PGP: variants seen among roughly 807,000 people sequenced by gnomAD.
PGP encodes the protein aspartate-based ubiquitous Mg(2+)-dependent phosphatase.
PGP carries 9 observed loss-of-function variants against 19.3 expected under a neutral mutation model. That is an observed-to-expected ratio of 0.47 (90% CI 0.28 to 0.81). The LOEUF (loss-of-function observed/expected upper bound fraction) is 0.81. Among genes scored for constraint, PGP ranks in the 40% least tolerant of loss-of-function variants. The pLI, the probability that PGP is intolerant of heterozygous loss-of-function variation, is 0.11. For synonymous variants in PGP, 308 were observed against 226.8 expected (o/e 1.36, Z -3.22); for missense variants, 403 against 479.9 (o/e 0.84, Z 1.50).
rs142776533 is a variant in PGP, at chr16:2,212,260, T to C, written c.*1468A>G. ...TCTGCAGCACCCTCTGAACCCGATA[T>C]CCCAGGCCTGGGAGGTGCTGAAGGC... On this transcript the variant is annotated 3_prime_UTR_variant, in exon 2 of 2. Transcript: ENST00000333503. 247 of 985,864 alleles carry C rather than the reference T, an allele frequency of 2.5e-4. 1 individual carries two copies. In the African/African-American group the frequency reaches 4.0e-3, roughly 16 times the overall value. 61.1% of individuals were successfully genotyped at this position (985,864 alleles called of 1,614,324 possible).
rs563294716 is a variant in PGP, at chr16:2,212,811, G to C, written c.*917C>G. 1.0e-6 allele frequency: 1 copy of C among 985,526 alleles called. No individual in the cohort carries two copies. Among genetic ancestry groups the C allele is most frequent in the East Asian group, 1.1e-4 (1 of 8,820 alleles). The allele number at this position is 985,526 out of a possible 1,614,324, so 61.0% of individuals were successfully genotyped here. On this transcript the variant is annotated 3_prime_UTR_variant, in exon 2 of 2. Transcript: ENST00000333503. ...AACACATGCTTCAGCCGCGCTGCCG[G>C]CTGCAGGGCACAGAGGCTCCTTCAG... is the stretch of plus-strand genomic sequence containing the variant.
In PGP at chr16:2,212,528, A is replaced by G; in HGVS notation, c.*1200T>C. The G allele has an allele frequency of 1.0e-6, 1 of 985,554 alleles. No homozygotes were observed. The highest frequency in any genetic ancestry group is 1.2e-6 in the Non-Finnish European group (1 of 829,978). The allele number at this position is 985,554 out of a possible 1,614,324, so 61.1% of individuals were successfully genotyped here. On this transcript the variant is annotated 3_prime_UTR_variant, in exon 2 of 2. Transcript: ENST00000333503. Reference sequence around the variant, plus strand: ...CCTTGGCGAGCTGGTGGCCCTGCCAAGTCCTGCTGGCCACTGAAGAGGGAA... The same window carrying G: ...CCTTGGCGAGCTGGTGGCCCTGCCAGGTCCTGCTGGCCACTGAAGAGGGAA...
At position 2,213,633 on chromosome 16, in the gene PGP, C is replaced by T; in HGVS notation, c.*95G>A. ...ACTCCAATTACACTCTTTGAAGCCA[C>T]TTAGCCGAGCAGATGCTTAAGCCCC... On this transcript the variant is annotated 3_prime_UTR_variant, in exon 2 of 2. Coordinates refer to ENST00000333503, the MANE Select transcript of PGP (RefSeq NM_001042371.3). The T allele has an allele frequency of 1.6e-6, 2 of 1,241,814 alleles. No homozygotes were observed. Among genetic ancestry groups the T allele is most frequent in the Non-Finnish European group, 2.2e-6 (2 of 917,336 alleles). 76.9% of individuals were successfully genotyped at this position (1,241,814 alleles called of 1,614,324 possible).
rs2093377918 is a variant in PGP at position 2,212,464 on chromosome 16, C to T, written c.*1264G>A. On this transcript the variant is annotated 3_prime_UTR_variant, in exon 2 of 2. Coordinates refer to ENST00000333503, the MANE Select transcript of PGP (RefSeq NM_001042371.3). ...TCAGGCCTGTGAAAGGTCAGCAGAG[C>T]CAAGGAGCAGGCAGGAGAGGCTGGA... 2.0e-5 allele frequency: 20 copies of T among 985,668 alleles called. No individual in the cohort carries two copies. The highest frequency in any genetic ancestry group is 2.4e-5 in the Non-Finnish European group (20 of 830,020). The allele number at this position is 985,668 out of a possible 1,614,324, so 61.1% of individuals were successfully genotyped here. A position where few individuals can be genotyped will look rare whatever the true frequency, so the allele number is the denominator to read the frequency against.
Position 2,212,199 on chromosome 16 carries a change from T to C in PGP, c.*1529A>G, listed in dbSNP as rs2141403293. 1 of 985,754 alleles carries C rather than the reference T, an allele frequency of 1.0e-6. No homozygotes were observed. Among genetic ancestry groups the C allele is most frequent in the Non-Finnish European group, 1.2e-6 (1 of 829,988 alleles). 61.1% of individuals were successfully genotyped at this position (985,754 alleles called of 1,614,324 possible). The stretch of plus-strand genomic sequence containing the variant: ...CAACTTAGCCAAGCCAGCGTCAGTG[T>C]CACCAGCCTCATGGGTGGAGCCACC... On this transcript the variant is annotated 3_prime_UTR_variant, in exon 2 of 2. Coordinates refer to ENST00000333503, the MANE Select transcript of PGP (RefSeq NM_001042371.3).
At position 2,212,278 on chromosome 16, in the gene PGP, C is replaced by G; in HGVS notation, c.*1450G>C. 1 of 985,926 alleles carries G rather than the reference C, an allele frequency of 1.0e-6. No individual in the cohort carries two copies. The highest frequency in any genetic ancestry group is 1.2e-6 in the Non-Finnish European group (1 of 830,028). 61.1% of individuals were successfully genotyped at this position (985,926 alleles called of 1,614,324 possible). A position where few individuals can be genotyped will look rare whatever the true frequency, so the allele number is the denominator to read the frequency against. ...CCCGATATCCCAGGCCTGGGAGGTG[C>G]TGAAGGCTCAGGACGCCTCTTATTG... On this transcript the variant is annotated 3_prime_UTR_variant, in exon 2 of 2. Coordinates refer to ENST00000333503, the MANE Select transcript of PGP (RefSeq NM_001042371.3).
At position 2,213,794 on chromosome 16, in the gene PGP, C is replaced by G; in HGVS notation, c.900G>C (p.Lys300Asn). ...CATAGAAGTCAGGGACCATTTTCTT[C>G]TTAGACACGCAGTCACTTTCCTGAT... is the stretch of plus-strand genomic sequence containing the variant. ...KNNQESDCVS[K>N]KKMVPDFYVD... is the part of the protein sequence containing the mutation. Residue 300 changes from lysine (K) to asparagine (N), a missense_variant, in exon 2 of 2, where the codon AAG (lysine) becomes AAC (asparagine). By Grantham distance (94) the Lys-to-Asn change is moderately conservative. Transcript: ENST00000333503. 6.3e-7 allele frequency: 1 copy of G among 1,599,694 alleles called. No individual in the cohort carries two copies. Among genetic ancestry groups the G allele is most frequent in the South Asian group, 1.1e-5 (1 of 90,288 alleles).
In PGP at chr16:2,214,717, C is replaced by G; in HGVS notation, c.61G>C (p.Ala21Pro). The change falls in exon 1 of 2, where the codon GCA (alanine) becomes CCA (proline). Residue 21 changes from alanine to proline, a missense_variant. By Grantham distance (27) the Ala-to-Pro change is conservative (BLOSUM62 -1). Transcript: ENST00000333503. The surrounding 1 kb of genome is among the most constrained non-coding windows in gnomAD (Gnocchi z 7.1). ...ARCVRLSAER[A>P]QALLADVDTL... ...TCCACGTCGGCCAGCAGCGCCTGTGCCCGCTCGGCGCTCAGCCGCACGCAG... is the reference window on the plus strand; with the variant it reads ...TCCACGTCGGCCAGCAGCGCCTGTGGCCGCTCGGCGCTCAGCCGCACGCAG... The G allele has an allele frequency of 7.4e-7, 1 of 1,359,740 alleles. No individual in the cohort carries two copies. Among genetic ancestry groups the G allele is most frequent in the Non-Finnish European group, 9.5e-7 (1 of 1,053,540 alleles). 84.2% of individuals were successfully genotyped at this position (1,359,740 alleles called of 1,614,324 possible). A position where few individuals can be genotyped will look rare whatever the true frequency, so the allele number is the denominator to read the frequency against.
In PGP at chr16:2,214,555, C is replaced by CG; in HGVS notation, c.222dup (p.Ala75ArgfsTer99). ...CGCCGCAGCTTCTCGGCGTAGGCAG[C>CG]GCGGGTCTTGCTGCTGTTGTTGGTG... is the stretch of plus-strand genomic sequence containing the variant. On this transcript the variant is annotated frameshift_variant, in exon 1 of 2. Transcript: ENST00000333503. LOFTEE classifies it high-confidence loss of function. The surrounding 1 kb of genome is among the most constrained non-coding windows in gnomAD (Gnocchi z 7.1). 1 of 1,463,530 alleles carries CG rather than the reference C, an allele frequency of 6.8e-7. No homozygotes were observed. Among genetic ancestry groups the CG allele is most frequent in the Non-Finnish European group, 9.0e-7 (1 of 1,110,814 alleles). 90.7% of individuals were successfully genotyped at this position (1,463,530 alleles called of 1,614,324 possible).
Position 2,214,613 on chromosome 16 carries a change from C to T in PGP, c.165G>A (p.Ala55=), listed in dbSNP as rs1373796147. 2.7e-6 allele frequency: 4 copies of T among 1,457,628 alleles called. No individual in the cohort carries two copies. Among genetic ancestry groups the T allele is most frequent in the Non-Finnish European group, 3.6e-6 (4 of 1,108,506 alleles). The allele number at this position is 1,457,628 out of a possible 1,614,324, so 90.3% of individuals were successfully genotyped here. A position where few individuals can be genotyped will look rare whatever the true frequency, so the allele number is the denominator to read the frequency against. ...AVPGAPEALR[A]LRARGKRLGF... ...CCAGGCGCTTGCCGCGGGCTCGCAGCGCCCGCAGGGCCTCGGGCGCGCCAG... is the reference window on the plus strand; with the variant it reads ...CCAGGCGCTTGCCGCGGGCTCGCAGTGCCCGCAGGGCCTCGGGCGCGCCAG... Residue 55 remains alanine (A), a synonymous_variant, in exon 1 of 2, where the codon GCG becomes GCA. Transcript: ENST00000333503. This position sits in a 1 kb window ranked among gnomAD's most constrained non-coding sequence, Gnocchi z 7.1.
chr16:2,213,526 G>C lies in PGP; in HGVS notation c.*202C>G, dbSNP rs1596739260. The stretch of plus-strand genomic sequence containing the variant: ...CACAACGCCTTCCAAGCCTAAAAGT[G>C]CATCTTCGATTACAAGCATCTGTAA... On this transcript the variant is annotated 3_prime_UTR_variant, in exon 2 of 2. Coordinates refer to ENST00000333503, the MANE Select transcript of PGP (RefSeq NM_001042371.3). The C allele has an allele frequency of 1.5e-6, 1 of 676,162 alleles. No homozygotes were observed. Among genetic ancestry groups the C allele is most frequent in the South Asian group, 2.9e-5 (1 of 33,916 alleles). 41.9% of individuals were successfully genotyped at this position (676,162 alleles called of 1,614,324 possible).
rs1315503947 is a variant in PGP at position 2,212,786 on chromosome 16, AAC to A, written c.*940_*941del. 2.0e-6 allele frequency: 2 copies of A among 985,356 alleles called. No individual in the cohort carries two copies. The highest frequency in any genetic ancestry group is 3.5e-5 in the African/African-American group (2 of 57,250). The allele number at this position is 985,356 out of a possible 1,614,324, so 61.0% of individuals were successfully genotyped here. A position where few individuals can be genotyped will look rare whatever the true frequency, so the allele number is the denominator to read the frequency against. Reference sequence around the variant, plus strand: ...CCTGGATGACAGGCATTCCTTGGCCAACACATGCTTCAGCCGCGCTGCCGGCT... The same window carrying A: ...CCTGGATGACAGGCATTCCTTGGCCAACATGCTTCAGCCGCGCTGCCGGCT... On this transcript the variant is annotated 3_prime_UTR_variant, in exon 2 of 2. Coordinates refer to ENST00000333503, the MANE Select transcript of PGP (RefSeq NM_001042371.3).
chr16:2,213,113 G>T lies in PGP; in HGVS notation c.*615C>A. 1 of 985,558 alleles carries T rather than the reference G, an allele frequency of 1.0e-6. No individual in the cohort carries two copies. Among genetic ancestry groups the T allele is most frequent in the Non-Finnish European group, 1.2e-6 (1 of 829,964 alleles). The allele number at this position is 985,558 out of a possible 1,614,324, so 61.1% of individuals were successfully genotyped here. A position where few individuals can be genotyped will look rare whatever the true frequency, so the allele number is the denominator to read the frequency against. ...GTATCTGAAACGGAACAGACACTCA[G>T]TTGTGACATCAGAGTGGTTTTCAAG... On this transcript the variant is annotated 3_prime_UTR_variant, in exon 2 of 2. Coordinates refer to ENST00000333503, the MANE Select transcript of PGP (RefSeq NM_001042371.3).
In PGP at chr16:2,214,224, A is replaced by G; in HGVS notation, c.554T>C (p.Leu185Pro). 6.3e-7 allele frequency: 1 copy of G among 1,595,004 alleles called. No individual in the cohort carries two copies. Among genetic ancestry groups the G allele is most frequent in the Non-Finnish European group, 8.5e-7 (1 of 1,178,730 alleles). The change falls in exon 1 of 2, where the codon CTG becomes CCG. Residue 185 changes from leucine to proline, a missense_variant. Physicochemically the swap from Leu to Pro is moderately conservative, Grantham distance 98. Coordinates refer to ENST00000333503, the MANE Select transcript of PGP (RefSeq NM_001042371.3). The surrounding 1 kb of genome is among the most constrained non-coding windows in gnomAD (Gnocchi z 7.1). ...GCAGCCGGGCTGCTGCAGGTAGCGC[A>G]GGGCCTTGGTGAGCTTCATGTAGCT... The part of the protein sequence containing the change: ...HFSYMKLTKA[L>P]RYLQQPGCLL...
chr16:2,212,055 CAG>C lies in PGP; in HGVS notation c.*1671_*1672del, dbSNP rs1469115046. The C allele has an allele frequency of 1.0e-6, 1 of 985,384 alleles. No individual in the cohort carries two copies. Among genetic ancestry groups the C allele is most frequent in the East Asian group, 1.1e-4 (1 of 8,832 alleles). The allele number at this position is 985,384 out of a possible 1,614,324, so 61.0% of individuals were successfully genotyped here. On this transcript the variant is annotated 3_prime_UTR_variant, in exon 2 of 2. Coordinates refer to ENST00000333503, the MANE Select transcript of PGP (RefSeq NM_001042371.3). The stretch of plus-strand genomic sequence containing the variant: ...CACAGTGCTGCAGCCCCTCATGGGC[CAG>C]AGACAGGATGCACGGGGACTCCCAG...
Position 2,211,937 on chromosome 16 carries a change from G to A in PGP, c.*1791C>T, listed in dbSNP as rs112972541. The stretch of plus-strand genomic sequence containing the variant: ...CCATCTACTTTGAGTCCTCCCACCC[G>A]TGGTGAGACGGCATCACCCGGGCCA... On this transcript the variant is annotated 3_prime_UTR_variant, in exon 2 of 2. Coordinates refer to ENST00000333503, the MANE Select transcript of PGP (RefSeq NM_001042371.3). 7.7e-3 allele frequency: 7,549 copies of A among 985,520 alleles called. 215 individuals carry two copies. In the African/African-American group the frequency reaches 0.085, roughly 11 times the overall value. 61.0% of individuals were successfully genotyped at this position (985,520 alleles called of 1,614,324 possible).
In PGP at chr16:2,214,328, G is replaced by A; in HGVS notation, c.450C>T (p.Gly150=). ...CGTGCAGCCAGTCGCCGGGACCCTC[G>A]CCCTGCAGTGGCTCGGGCCCCACGC... ...SVGVGPEPLQ[G]EGPGDWLHAP... Residue 150 remains glycine, a synonymous_variant, in exon 1 of 2, where the codon GGC becomes GGT. Transcript: ENST00000333503. The surrounding 1 kb of genome is among the most constrained non-coding windows in gnomAD (Gnocchi z 7.1). 1 of 1,535,142 alleles carries A rather than the reference G, an allele frequency of 6.5e-7. No individual in the cohort carries two copies. Among genetic ancestry groups the A allele is most frequent in the Non-Finnish European group, 8.7e-7 (1 of 1,147,164 alleles).
Position 2,212,875 on chromosome 16 carries a change from C to G in PGP, c.*853G>C. ...ACGACACAGAGCACAGCTATTAATA[C>G]ACTTAAAATTCAAATCCATTGCCTG... On this transcript the variant is annotated 3_prime_UTR_variant, in exon 2 of 2. Coordinates refer to ENST00000333503, the MANE Select transcript of PGP (RefSeq NM_001042371.3). The G allele has an allele frequency of 1.0e-6, 1 of 985,454 alleles. No homozygotes were observed. Among genetic ancestry groups the G allele is most frequent in the Non-Finnish European group, 1.2e-6 (1 of 829,946 alleles). 61.0% of individuals were successfully genotyped at this position (985,454 alleles called of 1,614,324 possible).
In PGP at chr16:2,214,222, G is replaced by T; in HGVS notation, c.556C>A (p.Arg186Ser). The T allele has an allele frequency of 1.3e-6, 2 of 1,595,074 alleles. No individual in the cohort carries two copies. Among genetic ancestry groups the T allele is most frequent in the South Asian group, 2.2e-5 (2 of 90,348 alleles). The stretch of plus-strand genomic sequence containing the variant: ...AGGCAGCCGGGCTGCTGCAGGTAGC[G>T]CAGGGCCTTGGTGAGCTTCATGTAG... ...FSYMKLTKAL[R>S]YLQQPGCLLV... The change falls in exon 1 of 2, where the codon CGC becomes AGC. Residue 186 changes from arginine (R) to serine (S), a missense_variant. Arg to Ser is a moderately radical substitution (Grantham distance 110). Transcript: ENST00000333503. The surrounding 1 kb of genome is among the most constrained non-coding windows in gnomAD (Gnocchi z 7.1).
Sources: gnomAD v4.1 joint callset for allele counts on GRCh38, gnomAD v4.1.1 for gene constraint, Gnocchi (gnomAD v3.1) non-coding constraint, MANE v1.5 for transcripts, NCBI Gene and HGNC (gene_info 2026-07-23, HGNC 2026-07-21) for gene names.